The following LARGE1 variants were observed in gnomAD, a reference collection of about 807,000 sequenced individuals.
LARGE1 encodes the protein LARGE xylosyl- and glucuronyltransferase 1.
A neutral mutation model predicts 87.6 loss-of-function variants in LARGE1; 43 were observed. The ratio of observed to expected loss-of-function variants is 0.49; its 90% CI spans 0.38 to 0.63. LARGE1 has a LOEUF of 0.63. Ranked by LOEUF, LARGE1 falls within the 30% of genes least tolerant of loss-of-function variation. The pLI is 0.00. For missense variants in LARGE1, 802 were observed against 1,000.2 expected (o/e 0.80, Z 2.67); for synonymous variants, 434 against 394.6 (o/e 1.10, Z -1.18).
intron 1 of LARGE1, among the ~76,000 whole-genome samples, chr22:33,859,509 A>C (rs1475249578): frequency 6.6e-6 from 1 of 152,254 alleles, no homozygotes; most frequent in Admixed American, 6.5e-5. Flanking sequence ...GGAGTTTTCA[A>C]CAGGCCCAAA....
At chr22:33,196,877 C>G (rs1177918245) in intron 11 of LARGE1, among the ~76,000 whole-genome samples, 1 of 152,094 alleles carries the variant, frequency 6.6e-6, no homozygotes, top group Non-Finnish European at 1.5e-5. Context: ...AAGTCCTTAA[C>G]TAGCAAAATG....
At chr22:33,087,259 T>G in the LARGE1 span, among the ~76,000 whole-genome samples, 1 of 151,838 alleles carries the variant, frequency 6.6e-6, no homozygotes, top group Non-Finnish European at 1.5e-5. Context: ...ATTTTTATAC[T>G]AAAAAATAAT....
chr22:33,073,155 G>A, the LARGE1 span, among the ~76,000 whole-genome samples: 1 of 152,180 alleles, frequency 6.6e-6, no homozygotes, highest in African/African-American at 2.4e-5. Flanking sequence ...TTCTATTTCT[G>A]TTCAGGAAAA....
At chr22:33,430,452 C>T (rs1031463775) in intron 7 of LARGE1, among the ~76,000 whole-genome samples, 2 of 152,190 alleles carry the variant, frequency 1.3e-5, no homozygotes, top group African/African-American at 4.8e-5. Flanking sequence ...CCTCAGACTT[C>T]CCCATCATCC....
intron 1 of LARGE1, among the ~76,000 whole-genome samples, chr22:33,782,187 A>G (rs1188833767): frequency 6.6e-6 from 1 of 152,182 alleles, no homozygotes; most frequent in African/African-American, 2.4e-5. Context: ...CAAATCAACT[A>G]TTTTTAAAAA....
intron 2 of LARGE1, among the ~76,000 whole-genome samples, chr22:33,671,570 G>A (rs2081414073): frequency 6.6e-6 from 1 of 152,152 alleles, no homozygotes; most frequent in Non-Finnish European, 1.5e-5. Flanking sequence ...GCTAGATAGA[G>A]CTAGAACCGT....
intron 2 of LARGE1, among the ~76,000 whole-genome samples, chr22:33,712,619 TTGAGGGG>T (rs902588087): frequency 4.2e-4 from 62 of 146,224 alleles, no homozygotes; most frequent in South Asian, 6.6e-4. Flanking sequence ...GTCACAGAAA[TTGAGGGG>T]TGAGGGGTAC....
At chr22:33,127,887 T>G in the LARGE1 span, among the ~76,000 whole-genome samples, 1 of 152,206 alleles carries the variant, frequency 6.6e-6, no homozygotes, top group Non-Finnish European at 1.5e-5. Flanking sequence ...ATCTTGAAAT[T>G]TGTTGAGTTT....
At chr22:33,540,922 A>G (rs1208771708) in intron 6 of LARGE1, among the ~76,000 whole-genome samples, 1 of 151,718 alleles carries the variant, frequency 6.6e-6, no homozygotes, top group Non-Finnish European at 1.5e-5. Context: ...TTGCTTGAGC[A>G]CAGGAGTTCA....
intron 2 of LARGE1, among the ~76,000 whole-genome samples, chr22:33,754,707 C>T (rs901800810): frequency 3.3e-5 from 5 of 152,254 alleles, no homozygotes; most frequent in East Asian, 1.9e-4. Flanking sequence ...ATTTTGCATT[C>T]GGCATCCTAT....
intron 1 of LARGE1, among the ~76,000 whole-genome samples, chr22:33,882,647 A>C (rs760464334): frequency 3.3e-5 from 5 of 152,260 alleles, no homozygotes; most frequent in Non-Finnish European, 7.3e-5. Context: ...TTTTGCAAAT[A>C]AAAGTTTCAT....
chr22:33,655,906 G>A (rs2080946020), intron 2 of LARGE1, among the ~76,000 whole-genome samples: 1 of 152,166 alleles, frequency 6.6e-6, no homozygotes, highest in South Asian at 2.1e-4. Flanking sequence ...AACAAATCAA[G>A]TAGATAAGTA....
At chr22:33,761,822 T>C (rs2084742855) in intron 1 of LARGE1, among the ~76,000 whole-genome samples, 1 of 152,084 alleles carries the variant, frequency 6.6e-6, no homozygotes, top group Non-Finnish European at 1.5e-5. Context: ...GCACAATTTA[T>C]AGTATAGGTT....
intron 2 of LARGE1, among the ~76,000 whole-genome samples, chr22:33,716,338 A>T (rs2082906865): frequency 6.6e-6 from 1 of 152,204 alleles, no homozygotes; most frequent in South Asian, 2.1e-4. Flanking sequence ...ACATTTTCAT[A>T]TGGCAACTCT....
chr22:33,486,075 C>A (rs1187831874), intron 6 of LARGE1, among the ~76,000 whole-genome samples: 2 of 152,198 alleles, frequency 1.3e-5, no homozygotes, highest in Admixed American at 1.3e-4. Context: ...CTCCCTGGCA[C>A]TTCTGCCAGC....
exon 12 of LARGE1, chr22:33,163,542 G>C (rs1016385726): frequency 3.9e-5 from 6 of 152,180 alleles, no homozygotes; most frequent in African/African-American, 1.4e-4. Context: ...ACAAAAATAA[G>C]ACTTAATACA....
intron 6 of LARGE1, among the ~76,000 whole-genome samples, chr22:33,457,187 G>T (rs1233544393): frequency 6.6e-6 from 1 of 151,932 alleles, no homozygotes; most frequent in African/African-American, 2.4e-5. Flanking sequence ...GAGTGCAGTG[G>T]CGTGATCTTG....
chr22:33,079,367 A>G, the LARGE1 span, among the ~76,000 whole-genome samples: 2 of 151,224 alleles, frequency 1.3e-5, no homozygotes, highest in Admixed American at 6.6e-5. Flanking sequence ...AGCTGGGACT[A>G]CAGGCGCCCG....
At chr22:33,610,972 G>A (rs1471379670) in intron 4 of LARGE1, among the ~76,000 whole-genome samples, 1 of 152,232 alleles carries the variant, frequency 6.6e-6, no homozygotes, top group Non-Finnish European at 1.5e-5. Flanking sequence ...CTTCCATGGG[G>A]TGTTAAGCCT....
Sources: allele counts gnomAD v4.1 joint callset (sites outside exome capture counted in the v4.1 genomes callset), GRCh38; gene constraint gnomAD v4.1.1; transcripts MANE v1.5; gene names NCBI Gene and HGNC (gene_info 2026-07-23, HGNC 2026-07-21).